Variants in LIMA1 observed in about 807,000 individuals in gnomAD.
LIMA1 encodes the protein LIM domain and actin-binding protein 1.
In LIMA1, 52 loss-of-function variants were observed where a neutral mutation model predicts 62.6. The observed-to-expected ratio is 0.83, with a 90% confidence interval of 0.67 to 1.05. LIMA1 has a LOEUF of 1.05. Ranked by LOEUF, LIMA1 falls within the 50% of genes least tolerant of loss-of-function variation. The probability of loss-of-function intolerance (pLI) is 0.00; values close to 1 mark genes in which losing one functional copy is unlikely to be tolerated. For synonymous variants in LIMA1, 302 were observed against 317.8 expected (o/e 0.95, Z 0.53); for missense variants, 780 against 902.2 (o/e 0.86, Z 1.74).
At chr12:50,249,771 C>T (rs542402162) in intron 1 of LIMA1, 2 of 152,172 alleles carry the variant, frequency 1.3e-5, no homozygotes, top group South Asian at 4.1e-4. Context: ...TGTTTCTGAT[C>T]CAGGAGTCTT....
At chr12:50,280,775 C>G (rs186441338) in intron 1 of LIMA1, among the ~76,000 whole-genome samples, 1 of 152,266 alleles carries the variant, frequency 6.6e-6, no homozygotes, top group East Asian at 1.9e-4. Context: ...TAAGTAGAAA[C>G]TACTTCATTT....
chr12:50,275,227 C>T (rs1429751185), intron 1 of LIMA1, among the ~76,000 whole-genome samples: 1 of 151,736 alleles, frequency 6.6e-6, no homozygotes, highest in Admixed American at 6.6e-5. Flanking sequence ...ATTAGCCAGG[C>T]GTGGTGGCGC....
rs1941963192 is a variant in LIMA1 at position 50,254,045 on chromosome 12, AAAG to A, written c.-23-5274_-23-5272del. On this transcript the variant is annotated intron_variant, in intron 1 of 10. Coordinates refer to ENST00000341247, the MANE Select transcript of LIMA1 (RefSeq NM_016357.5). ...TCTGTCTCAAAAAAAAAAAAAAAAA[AAAG>A]AAAGGTATATTATCTCTCCCCACCC... is the stretch of plus-strand genomic sequence containing the variant. 2.6e-5 allele frequency among the ~76,000 whole-genome samples: 4 copies of A among 151,236 alleles called. No individual in the cohort carries two copies. The South Asian group carries it at 8.4e-4, about 32-fold the overall frequency.
intron 7 of LIMA1, among the ~76,000 whole-genome samples, chr12:50,198,224 T>C (rs1469781169): frequency 6.6e-6 from 1 of 152,160 alleles, no homozygotes; most frequent in Non-Finnish European, 1.5e-5. Context: ...CAATATACCA[T>C]CCTACTTTGT....
chr12:50,227,399 C>T lies in LIMA1; in HGVS notation c.165+4266G>A, dbSNP rs528997783. On this transcript the variant is annotated intron_variant, in intron 3 of 10. Coordinates refer to ENST00000341247, the MANE Select transcript of LIMA1 (RefSeq NM_016357.5). The stretch of plus-strand genomic sequence containing the variant: ...GATTACAGGCGTGAGCCACCAAGCC[C>T]GGCTAATTTTTTGTATTTTTAGTAG... 7.1e-4 allele frequency among the ~76,000 whole-genome samples: 108 copies of T among 151,850 alleles called. 2 individuals carry two copies. In the South Asian group the frequency reaches 0.021, roughly 30 times the overall value.
At chr12:50,189,888 T>G (rs1175627480) in intron 9 of LIMA1, 1 of 151,946 alleles carries the variant, frequency 6.6e-6, no homozygotes, top group African/African-American at 2.4e-5. Context: ...ATTTTTGTAT[T>G]CTTAGTAGAG....
chr12:50,212,084 A>G (rs532271753), intron 4 of LIMA1, among the ~76,000 whole-genome samples: 19 of 152,260 alleles, frequency 1.2e-4, no homozygotes, highest in Non-Finnish European at 2.8e-4. Context: ...TGTACTAGTA[A>G]GAGGATAAAA....
chr12:50,234,825 G>A (rs886436694), intron 2 of LIMA1, among the ~76,000 whole-genome samples: 9 of 152,036 alleles, frequency 5.9e-5, no homozygotes, highest in Admixed American at 3.9e-4. Flanking sequence ...ACCAGACTGC[G>A]CAACACAGTA....
intron 1 of LIMA1, among the ~76,000 whole-genome samples, chr12:50,261,472 C>T (rs1307711026): frequency 2.0e-5 from 3 of 152,090 alleles, no homozygotes; most frequent in African/African-American, 7.2e-5. Flanking sequence ...TTGATGCAAG[C>T]CATTCTCTGA....
At chr12:50,269,715 T>C (rs1036900478) in intron 1 of LIMA1, among the ~76,000 whole-genome samples, 1 of 151,396 alleles carries the variant, frequency 6.6e-6, no homozygotes, top group Non-Finnish European at 1.5e-5. Context: ...AGGTCACAAG[T>C]TTGAGACCAG....
intron 9 of LIMA1, among the ~76,000 whole-genome samples, chr12:50,184,388 ATC>A (rs1478591969): frequency 6.6e-6 from 1 of 152,214 alleles, no homozygotes; most frequent in African/African-American, 2.4e-5. Flanking sequence ...CAGGCCTGTA[ATC>A]CCAGCACTTT....
At chr12:50,203,702 C>T (rs1399271546) in intron 6 of LIMA1, among the ~76,000 whole-genome samples, 1 of 152,188 alleles carries the variant, frequency 6.6e-6, no homozygotes, top group Non-Finnish European at 1.5e-5. Context: ...TGTGAGCCAT[C>T]ACACCCAGCT....
chr12:50,276,696 C>T (rs2138710958), intron 1 of LIMA1, among the ~76,000 whole-genome samples: 1 of 152,064 alleles, frequency 6.6e-6, no homozygotes, highest in Non-Finnish European at 1.5e-5. Context: ...ATGGAGAAAC[C>T]CTGTCTCTAC....
chr12:50,245,625 G>A (rs770391055), intron 2 of LIMA1, among the ~76,000 whole-genome samples: 1 of 151,154 alleles, frequency 6.6e-6, no homozygotes, highest in Non-Finnish European at 1.5e-5. Flanking sequence ...CAATGTCATG[G>A]GTTCATTTAG....
At chr12:50,215,715 C>T (rs1034495471) in intron 4 of LIMA1, among the ~76,000 whole-genome samples, 1 of 152,050 alleles carries the variant, frequency 6.6e-6, no homozygotes, top group Non-Finnish European at 1.5e-5. Context: ...CCTCGTGATC[C>T]GCCTGCCTCG....
intron 8 of LIMA1, among the ~76,000 whole-genome samples, chr12:50,193,006 G>A (rs573757587): frequency 3.5e-5 from 1 of 28,522 alleles, no homozygotes; most frequent in Non-Finnish European, 6.1e-5. Context: ...GTGTGTGTGC[G>A]CGCGTGCGCG....
At chr12:50,205,337 T>C (rs1941131951) in intron 5 of LIMA1, among the ~76,000 whole-genome samples, 1 of 151,756 alleles carries the variant, frequency 6.6e-6, no homozygotes, top group Admixed American at 6.6e-5. Context: ...CCTCCCTAAG[T>C]GCTGAGATTA....
chr12:50,186,757 C>G (rs1421322437), intron 9 of LIMA1: 2 of 152,276 alleles, frequency 1.3e-5, no homozygotes, highest in Non-Finnish European at 2.9e-5. Context: ...ATGTTTCTTT[C>G]TGAGAAACTG....
chr12:50,209,590 A>AAAG (rs141083410), intron 4 of LIMA1, among the ~76,000 whole-genome samples: 50,880 of 143,180 alleles, frequency 0.36, 9,992 homozygotes, highest in South Asian at 0.48. Context: ...AAAAAAAAGA[A>AAAG]AAAAGATAAT....
Sources: gnomAD v4.1 joint callset for allele counts (sites outside exome capture counted in the v4.1 genomes callset) on GRCh38, gnomAD v4.1.1 for gene constraint, MANE v1.5 for transcripts, NCBI Gene and HGNC (gene_info 2026-07-23, HGNC 2026-07-21) for gene names.